SEMA5A: variants seen among roughly 807,000 people sequenced by gnomAD.
The protein encoded by SEMA5A is semaphorin-5A.
SEMA5A carries 55 observed loss-of-function variants against 135.5 expected under a neutral mutation model. The observed-to-expected ratio is 0.41, with a 90% CI of 0.33 to 0.51. SEMA5A has a LOEUF of 0.51. Among genes scored for constraint, SEMA5A ranks in the 20% least tolerant of loss-of-function variants. The probability of loss-of-function intolerance (pLI) is 0.37; values close to 1 mark genes in which losing one functional copy is unlikely to be tolerated. For synonymous variants in SEMA5A, 580 were observed against 546.5 expected, an observed-to-expected ratio of 1.06 and a Z score of -0.85; for missense variants, 1,290 against 1,419.9, an observed-to-expected ratio of 0.91 and a Z score of 1.47.
intron 5 of SEMA5A, among the ~76,000 whole-genome samples, chr5:9,284,106 T>TAG (rs3034563): frequency 0.35 from 52,195 of 148,164 alleles, 9,310 homozygotes; most frequent in East Asian, 0.45. Context: ...AGATAGATAT[T>TAG]AGAGAGAGAG....
At chr5:9,285,772 A>T (rs1350756521) in intron 5 of SEMA5A, among the ~76,000 whole-genome samples, 1 of 152,274 alleles carries the variant, frequency 6.6e-6, no homozygotes, top group Non-Finnish European at 1.5e-5. Context: ...TTTTCAAGCC[A>T]TGAGGGTGAC....
At chr5:9,323,870 CA>C (rs1165686194) in intron 4 of SEMA5A, among the ~76,000 whole-genome samples, 1 of 151,424 alleles carries the variant, frequency 6.6e-6, no homozygotes, top group Non-Finnish European at 1.5e-5. Flanking sequence ...CCATGTTAGC[CA>C]GGCTGGTCTT....
chr5:9,294,690 A>G (rs950606678), intron 5 of SEMA5A, among the ~76,000 whole-genome samples: 4 of 152,152 alleles, frequency 2.6e-5, no homozygotes, highest in African/African-American at 9.7e-5. Context: ...CACTTCCCCC[A>G]TGGAGAAGAT....
intron 3 of SEMA5A, among the ~76,000 whole-genome samples, chr5:9,368,945 A>G (rs1475744311): frequency 6.6e-6 from 1 of 152,214 alleles, no homozygotes; most frequent in African/African-American, 2.4e-5. Flanking sequence ...TTGTAAGTAT[A>G]TGTTTAACTT....
At chr5:9,519,091 G>C (rs1380773058) in intron 1 of SEMA5A, among the ~76,000 whole-genome samples, 3 of 152,158 alleles carry the variant, frequency 2.0e-5, no homozygotes, top group African/African-American at 7.2e-5. Context: ...CATTTTGTGT[G>C]TTTGTGGTGA....
chr5:9,272,694 C>G (rs74938207), intron 5 of SEMA5A, among the ~76,000 whole-genome samples: 12,068 of 152,186 alleles, frequency 0.079, 528 homozygotes, highest in Middle Eastern at 0.16. Context: ...TATTCTGCAG[C>G]CTTCGCTGGT....
intron 1 of SEMA5A, among the ~76,000 whole-genome samples, chr5:9,514,040 G>A (rs1307953652): frequency 2.0e-5 from 3 of 152,122 alleles, no homozygotes; most frequent in Non-Finnish European, 4.4e-5. Context: ...GCTCCCTCTG[G>A]AGGCTATAGA....
chr5:9,539,151 C>CT (rs1257533751), intron 1 of SEMA5A, among the ~76,000 whole-genome samples: 3 of 152,194 alleles, frequency 2.0e-5, no homozygotes, highest in Non-Finnish European at 4.4e-5. Flanking sequence ...AACCACTCAC[C>CT]TGCCTGCCAT....
intron 8 of SEMA5A, among the ~76,000 whole-genome samples, chr5:9,215,634 C>T (rs1170106106): frequency 6.6e-6 from 1 of 152,162 alleles, no homozygotes; most frequent in Non-Finnish European, 1.5e-5. Flanking sequence ...GAGTGCATGG[C>T]CATGCCGGCA....
intron 1 of SEMA5A, among the ~76,000 whole-genome samples, chr5:9,455,552 A>G (rs568230748): frequency 6.6e-6 from 1 of 152,256 alleles, no homozygotes; most frequent in Admixed American, 6.5e-5. Context: ...CACCGCGCCC[A>G]GCCGCATATT....
chr5:9,094,325 G>A (rs1442024896), intron 16 of SEMA5A, among the ~76,000 whole-genome samples: 1 of 152,044 alleles, frequency 6.6e-6, no homozygotes, highest in Non-Finnish European at 1.5e-5. Flanking sequence ...CAAATGAACA[G>A]TATCATGTGA....
At chr5:9,435,579 T>C (rs1757999626) in intron 2 of SEMA5A, among the ~76,000 whole-genome samples, 1 of 152,226 alleles carries the variant, frequency 6.6e-6, no homozygotes, top group Admixed American at 6.5e-5. Context: ...ACTGTGGGAC[T>C]AATACCTACT....
chr5:9,309,320 A>T (rs182820619), intron 5 of SEMA5A, among the ~76,000 whole-genome samples: 1 of 152,262 alleles, frequency 6.6e-6, no homozygotes, highest in East Asian at 1.9e-4. Context: ...AACAGGGAAC[A>T]GTTAAGTGTA....
chr5:9,221,921 C>T (rs1406565659), intron 8 of SEMA5A, among the ~76,000 whole-genome samples: 1 of 152,046 alleles, frequency 6.6e-6, no homozygotes, highest in Non-Finnish European at 1.5e-5. Context: ...AACTGGGGTG[C>T]TTAGACCATT....
At chr5:9,214,336 G>C (rs1420697721) in intron 8 of SEMA5A, among the ~76,000 whole-genome samples, 1 of 152,186 alleles carries the variant, frequency 6.6e-6, no homozygotes, top group African/African-American at 2.4e-5. Flanking sequence ...CTCCAATCCA[G>C]CTTGTGCTGA....
chr5:9,106,097 G>A (rs1268956493), intron 16 of SEMA5A, among the ~76,000 whole-genome samples: 1 of 152,112 alleles, frequency 6.6e-6, no homozygotes, highest in African/African-American at 2.4e-5. Flanking sequence ...ACTGAGAAGT[G>A]GATTGCTCCT....
chr5:9,251,675 G>A (rs1040880733), intron 5 of SEMA5A, among the ~76,000 whole-genome samples: 1 of 152,134 alleles, frequency 6.6e-6, no homozygotes, highest in African/African-American at 2.4e-5. Flanking sequence ...AACTATAATA[G>A]AGGAGCAAAG....
intron 2 of SEMA5A, among the ~76,000 whole-genome samples, chr5:9,404,552 G>A (rs895997628): frequency 6.6e-6 from 1 of 152,150 alleles, no homozygotes; most frequent in African/African-American, 2.4e-5. Context: ...TGTTAACACA[G>A]CTCAAGTCTC....
chr5:9,162,178 G>C (rs2150283620), intron 11 of SEMA5A, among the ~76,000 whole-genome samples: 1 of 152,228 alleles, frequency 6.6e-6, no homozygotes, highest in Non-Finnish European at 1.5e-5. Context: ...TTGGAGTATA[G>C]CTTCTGTGTC....
Sources: allele counts gnomAD v4.1 joint callset (sites outside exome capture counted in the v4.1 genomes callset), GRCh38; gene constraint gnomAD v4.1.1; transcripts MANE v1.5; gene names NCBI Gene and HGNC (gene_info 2026-07-23, HGNC 2026-07-21).